RPS6KB1: variants seen among roughly 807,000 people sequenced by gnomAD.
RPS6KB1 encodes ribosomal protein S6 kinase beta-1.
A neutral mutation model predicts 70.2 loss-of-function variants in RPS6KB1; 12 were observed. That is an observed-to-expected ratio of 0.17 (90% CI 0.11 to 0.28). The LOEUF (loss-of-function observed/expected upper bound fraction) is 0.28. Among genes scored for constraint, RPS6KB1 ranks in the 10% least tolerant of loss-of-function variants. The probability of loss-of-function intolerance (pLI) is 1.00; values close to 1 mark genes in which losing one functional copy is unlikely to be tolerated. For missense variants in RPS6KB1, 270 were observed against 646.6 expected (o/e 0.42, Z 6.32); for synonymous variants, 175 against 211.2 (o/e 0.83, Z 1.49).
At chr17:59,914,751 C>G (rs753063363) in intron 4 of RPS6KB1, 48 bp downstream of exon 4, 43 of 1,304,536 alleles carry the variant, frequency 3.3e-5, no homozygotes, top group Non-Finnish European at 4.7e-5. Context: ...TATTTTTACA[C>G]TTGATCTCAG....
chr17:59,941,594 G>A lies in RPS6KB1; in HGVS notation c.1227+651G>A, dbSNP rs2044587856. Among the ~76,000 whole-genome samples the A allele has an allele frequency of 4.7e-5, 7 of 150,492 alleles. No homozygotes were observed. In the South Asian group the frequency reaches 1.3e-3, roughly 27 times the overall value. On this transcript the variant is annotated intron_variant, in intron 13 of 14. Transcript: ENST00000225577. ...GCCAAAATTATAGGCATGAGCCATC[G>A]TTCCTGGCCCTATTTTTGGTACTCT...
At chr17:59,923,151 C>T (rs370526474) in intron 4 of RPS6KB1, among the ~76,000 whole-genome samples, 3 of 151,142 alleles carry the variant, frequency 2.0e-5, no homozygotes, top group South Asian at 2.1e-4. Flanking sequence ...CATGAGCCAC[C>T]GCACCTGGTC....
intron 12 of RPS6KB1, among the ~76,000 whole-genome samples, chr17:59,938,188 G>GGC (rs2044359255): frequency 2.1e-5 from 3 of 142,886 alleles, no homozygotes; most frequent in East Asian, 2.0e-4. Context: ...TTTTTTTGGG[G>GGC]GGGGGATAGG....
chr17:59,901,650 A>G (rs1411389525), intron 1 of RPS6KB1, among the ~76,000 whole-genome samples: 2 of 150,960 alleles, frequency 1.3e-5, no homozygotes, highest in South Asian at 2.1e-4. Flanking sequence ...AAAAAAAGAA[A>G]AAAAAAGAAA....
intron 1 of RPS6KB1, among the ~76,000 whole-genome samples, chr17:59,910,140 T>G (rs888707708): frequency 6.8e-6 from 1 of 148,088 alleles, no homozygotes; most frequent in Non-Finnish European, 1.5e-5. Context: ...TGAGCTGAGA[T>G]GGCACCGCTG....
At chr17:59,930,735 A>C (rs1311153199) in intron 6 of RPS6KB1, 4 of 152,124 alleles carry the variant, frequency 2.6e-5, no homozygotes, top group African/African-American at 9.7e-5. Flanking sequence ...ATTTAATAGA[A>C]AACAACACTT....
At chr17:59,911,929 C>T (rs937402829) in intron 2 of RPS6KB1, among the ~76,000 whole-genome samples, 1 of 152,072 alleles carries the variant, frequency 6.6e-6, no homozygotes, top group Non-Finnish European at 1.5e-5. Flanking sequence ...CTTGAAAAAA[C>T]AGATACAGAG....
intron 4 of RPS6KB1, among the ~76,000 whole-genome samples, chr17:59,922,872 G>GT (rs780808367): frequency 7.1e-4 from 84 of 118,388 alleles, no homozygotes; most frequent in Non-Finnish European, 7.0e-4. Context: ...AAATTTGTTT[G>GT]TTTTTTTTTT....
chr17:59,924,835 A>ATTTT (rs917790773), intron 4 of RPS6KB1, among the ~76,000 whole-genome samples: 3 of 149,830 alleles, frequency 2.0e-5, no homozygotes, highest in African/African-American at 7.4e-5. Context: ...TTATTTATTT[A>ATTTT]TTTATTTTTT....
intron 1 of RPS6KB1, among the ~76,000 whole-genome samples, chr17:59,900,412 C>T (rs1340401707): frequency 1.3e-5 from 2 of 152,026 alleles, no homozygotes; most frequent in Non-Finnish European, 2.9e-5. Flanking sequence ...GTCATCCAGC[C>T]TGGAGTGCAA....
At chr17:59,941,679 G>A (rs1030781068) in intron 13 of RPS6KB1, among the ~76,000 whole-genome samples, 5 of 150,424 alleles carry the variant, frequency 3.3e-5, no homozygotes, top group Non-Finnish European at 7.4e-5. Context: ...CTGTCACCAG[G>A]TTGGAGTGCA....
intron 1 of RPS6KB1, among the ~76,000 whole-genome samples, chr17:59,908,982 A>G (rs1380685085): frequency 2.1e-5 from 3 of 141,290 alleles, no homozygotes; most frequent in Admixed American, 7.4e-5. Context: ...ACTGGAGTGC[A>G]ATGGCGCGAT....
Position 59,893,765 on chromosome 17 carries a change from C to G in RPS6KB1, c.141+440C>G. The G allele has an allele frequency of 1.0e-6, 1 of 991,958 alleles. No individual in the cohort carries two copies. Among genetic ancestry groups the G allele is most frequent in the Non-Finnish European group, 1.2e-6 (1 of 833,492 alleles). 61.4% of individuals were successfully genotyped at this position (991,958 alleles called of 1,614,324 possible). Reference sequence around the variant, plus strand: ...GAATCTTCAGACCTCCCACAACCACCTCTCTTCTCGGCCTGTCGCTTCTCT... The same window carrying G: ...GAATCTTCAGACCTCCCACAACCACGTCTCTTCTCGGCCTGTCGCTTCTCT... On this transcript the variant is annotated intron_variant, in intron 1 of 14. Transcript: ENST00000225577. The surrounding 1 kb of genome is among the most constrained non-coding windows in gnomAD (Gnocchi z 4.1).
Position 59,947,231 on chromosome 17 carries a change from G to C in RPS6KB1, c.*443G>C. On this transcript the variant is annotated 3_prime_UTR_variant, in exon 15 of 15. Coordinates refer to ENST00000225577, the MANE Select transcript of RPS6KB1 (RefSeq NM_003161.4). ...TGCAAGCTTGGTCAAACTTTTTCCA[G>C]CAAAATGGAAGCAAAGACAAAAGAA... 1 of 1,027,006 alleles carries C rather than the reference G, an allele frequency of 9.7e-7. No homozygotes were observed. The highest frequency in any genetic ancestry group is 1.2e-6 in the Non-Finnish European group (1 of 857,510). 63.6% of individuals were successfully genotyped at this position (1,027,006 alleles called of 1,614,324 possible). A position where few individuals can be genotyped will look rare whatever the true frequency, so the allele number is the denominator to read the frequency against.
intron 1 of RPS6KB1, among the ~76,000 whole-genome samples, chr17:59,897,730 G>T (rs1405605163): frequency 6.6e-6 from 1 of 152,138 alleles, no homozygotes; most frequent in Non-Finnish European, 1.5e-5. Context: ...ACTTTGGGAG[G>T]CCGAGGCAGG....
intron 1 of RPS6KB1, among the ~76,000 whole-genome samples, chr17:59,907,731 A>G (rs1002737835): frequency 2.0e-5 from 3 of 152,016 alleles, no homozygotes; most frequent in Non-Finnish European, 2.9e-5. Flanking sequence ...TTGTGGAGGC[A>G]GGATCTTACT....
chr17:59,945,847 T>G (rs1476557593), intron 14 of RPS6KB1, among the ~76,000 whole-genome samples: 1 of 152,176 alleles, frequency 6.6e-6, no homozygotes, highest in Admixed American at 6.5e-5. Flanking sequence ...ATACAGGAAT[T>G]GTCCCTGTCC....
chr17:59,939,941 A>G (rs1042348110), intron 12 of RPS6KB1, among the ~76,000 whole-genome samples: 11 of 152,240 alleles, frequency 7.2e-5, no homozygotes, highest in Admixed American at 5.2e-4. Flanking sequence ...AAATAAATAA[A>G]TCTCATGGTT....
At chr17:59,920,872 T>C (rs2043224088) in intron 4 of RPS6KB1, among the ~76,000 whole-genome samples, 1 of 152,188 alleles carries the variant, frequency 6.6e-6, no homozygotes, top group South Asian at 2.1e-4. Context: ...CTAATTTTTG[T>C]ACTTTTGGTA....
Sources: allele counts gnomAD v4.1 joint callset (sites outside exome capture counted in the v4.1 genomes callset), GRCh38; gene constraint gnomAD v4.1.1; non-coding constraint Gnocchi (gnomAD v3.1); transcripts MANE v1.5; gene names NCBI Gene and HGNC (gene_info 2026-07-23, HGNC 2026-07-21).